Variants in XRN1 observed in about 807,000 individuals in gnomAD.
XRN1 encodes 5'-3' exoribonuclease 1.
A neutral mutation model predicts 222.3 loss-of-function variants in XRN1; 67 were observed. That is an observed-to-expected ratio of 0.30 (90% CI 0.25 to 0.37). The LOEUF (loss-of-function observed/expected upper bound fraction) is 0.37, where lower values mean the gene tolerates loss of function less well. XRN1 is among the 10% of genes least tolerant of loss of function. The probability of loss-of-function intolerance (pLI) is 1.00; values close to 1 mark genes in which losing one functional copy is unlikely to be tolerated. For missense variants in XRN1, 1,707 were observed against 2,000.2 expected (o/e 0.85, Z 2.80); for synonymous variants, 643 against 652.4 (o/e 0.99, Z 0.22).
chr3:142,416,549 G>A (rs2068796425), intron 13 of XRN1, among the ~76,000 whole-genome samples: 1 of 152,120 alleles, frequency 6.6e-6, no homozygotes, highest in African/African-American at 2.4e-5. Context: ...AGAATATAAT[G>A]AACACCCTCA....
At chr3:142,423,448 A>G in intron 6 of XRN1, 112 bp downstream of exon 6, 1 of 720,090 alleles carries the variant, frequency 1.4e-6, no homozygotes, top group Non-Finnish European at 2.1e-6. Context: ...CTATCAACAT[A>G]GTGAAAAGGC....
At chr3:142,323,767 C>T (rs2065430676) in intron 37 of XRN1, among the ~76,000 whole-genome samples, 1 of 151,912 alleles carries the variant, frequency 6.6e-6, no homozygotes, top group African/African-American at 2.4e-5. Context: ...TGCTTGAAGC[C>T]AGCCTGGGCA....
intron 2 of XRN1, among the ~76,000 whole-genome samples, chr3:142,432,153 T>C (rs1245257499): frequency 1.8e-5 from 2 of 113,074 alleles, no homozygotes; most frequent in Non-Finnish European, 3.2e-5. Context: ...ATATAATATA[T>C]AATTTATATA....
chr3:142,369,590 G>C (rs1207136001), intron 27 of XRN1, among the ~76,000 whole-genome samples: 8 of 151,000 alleles, frequency 5.3e-5, no homozygotes, highest in African/African-American at 2.0e-4. Context: ...GGAGGTTGCA[G>C]TGAGCCGAGA....
chr3:142,328,333 G>A (rs1438770748), intron 37 of XRN1, among the ~76,000 whole-genome samples: 1 of 151,886 alleles, frequency 6.6e-6, no homozygotes, highest in Non-Finnish European at 1.5e-5. Context: ...GGTATGTTGT[G>A]TTTCCATTTT....
chr3:142,421,040 G>A lies in XRN1; in HGVS notation c.1149C>T (p.Asn383=). ...AAGVAAEEAR[N]YKEKKKLKGQ... ...CCTTTAACTTTTTCTTTTCCTTGTA[G>A]TTCCTGGCTTCTTCTGCTGCGACAC... is the stretch of plus-strand genomic sequence containing the variant. Residue 383 remains asparagine, a synonymous_variant, in exon 10 of 41, where the codon AAC becomes AAT. Coordinates refer to ENST00000392981, the MANE Select transcript of XRN1 (RefSeq NM_001282857.2). 5 of 1,613,988 alleles carry A rather than the reference G, an allele frequency of 3.1e-6. No homozygotes were observed. The highest frequency in any genetic ancestry group is 4.2e-6 in the Non-Finnish European group (5 of 1,179,958).
At chr3:142,426,578 T>A in intron 3 of XRN1, 166 bp downstream of exon 3, 5 of 612,616 alleles carry the variant, frequency 8.2e-6, no homozygotes, top group Non-Finnish European at 1.4e-5. Context: ...GGAGTATTTA[T>A]GACCAAGGTG....
chr3:142,442,752 G>A (rs1394961807), intron 1 of XRN1, among the ~76,000 whole-genome samples: 1 of 151,880 alleles, frequency 6.6e-6, no homozygotes, highest in African/African-American at 2.4e-5. Flanking sequence ...TTTTTATTTT[G>A]AGATGGAATC....
chr3:142,365,013 T>C (rs1197119783), intron 29 of XRN1, 34 bp downstream of exon 29: 1 of 1,592,316 alleles, frequency 6.3e-7, no homozygotes, highest in African/African-American at 1.4e-5. Flanking sequence ...CAATATAAAT[T>C]ACGTTGAAGA....
At chr3:142,347,111 C>A in intron 33 of XRN1, 123 bp downstream of exon 33, 1 of 709,332 alleles carries the variant, frequency 1.4e-6, no homozygotes, top group Non-Finnish European at 2.2e-6. Context: ...TACAAAAAAC[C>A]ACTTATCGTA....
At chr3:142,362,757 TCTTC>T (rs2066686741) in intron 29 of XRN1, among the ~76,000 whole-genome samples, 1 of 145,446 alleles carries the variant, frequency 6.9e-6, no homozygotes, top group Non-Finnish European at 1.5e-5. Flanking sequence ...TCCCTTCCTT[TCTTC>T]CTTTTCTCTC....
At chr3:142,347,849 C>T (rs1577263427) in intron 32 of XRN1, among the ~76,000 whole-genome samples, 1 of 151,964 alleles carries the variant, frequency 6.6e-6, no homozygotes, top group African/African-American at 2.4e-5. Flanking sequence ...TCTCCCACCT[C>T]GGCCTCCCAA....
rs1246525703 is a variant in XRN1, at chr3:142,447,408, C to G, written c.75+462G>C. Reference sequence around the variant, plus strand: ...GGGCCGGGTGGGCCGCGCTCTAGATCAGGGAAAGTAAACAAGGTGACTGCG... The same window carrying G: ...GGGCCGGGTGGGCCGCGCTCTAGATGAGGGAAAGTAAACAAGGTGACTGCG... On this transcript the variant is annotated intron_variant, in intron 1 of 40. Coordinates refer to ENST00000392981, the MANE Select transcript of XRN1 (RefSeq NM_001282857.2). This position sits in a 1 kb window ranked among gnomAD's most constrained non-coding sequence, Gnocchi z 4.2. Among the ~76,000 whole-genome samples, 1 of 152,160 alleles carries G rather than the reference C, an allele frequency of 6.6e-6. No homozygotes were observed. The highest frequency in any genetic ancestry group is 2.4e-5 in the African/African-American group (1 of 41,452).
In XRN1 at chr3:142,417,124, G is replaced by T; in HGVS notation, c.1436+16C>A. 6.3e-7 allele frequency: 1 copy of T among 1,577,124 alleles called. No homozygotes were observed. The highest frequency in any genetic ancestry group is 2.3e-5 in the East Asian group (1 of 43,818). ...TATAAAAAGACAAAACTTTATTTTTGTTTTTATTCTCTCACCAGCTCCAGG... is the reference window on the plus strand; with the variant it reads ...TATAAAAAGACAAAACTTTATTTTTTTTTTTATTCTCTCACCAGCTCCAGG... On this transcript the variant is annotated intron_variant, in intron 13 of 40. Transcript: ENST00000392981.
At chr3:142,417,083 T>C (rs2068817490) in intron 13 of XRN1, 57 bp downstream of exon 13, 3 of 1,281,624 alleles carry the variant, frequency 2.3e-6, no homozygotes, top group Non-Finnish European at 3.3e-6. Flanking sequence ...AATAAGACTC[T>C]AGTAGAATGA....
At chr3:142,334,885 G>A (rs1332706077) in intron 34 of XRN1, among the ~76,000 whole-genome samples, 1 of 151,132 alleles carries the variant, frequency 6.6e-6, no homozygotes, top group Non-Finnish European at 1.5e-5. Flanking sequence ...GCCCAGGCTG[G>A]AGTGCAGTGG....
chr3:142,350,848 G>GT (rs2066283692), intron 32 of XRN1, among the ~76,000 whole-genome samples: 5 of 152,128 alleles, frequency 3.3e-5, no homozygotes, highest in Admixed American at 1.3e-4. Flanking sequence ...ATTAGGTAAC[G>GT]TAAGTTTGTG....
At position 142,422,762 on chromosome 3, in the gene XRN1, T is replaced by C. The variant is rs369471650; in HGVS notation, c.799-12A>G. ...AATGTGATCTTTTCCTACAGTAAAATAGAGAACAAAGTCAAATCCAGTGAA... is the reference window on the plus strand; with the variant it reads ...AATGTGATCTTTTCCTACAGTAAAACAGAGAACAAAGTCAAATCCAGTGAA... On this transcript the variant is annotated splice_polypyrimidine_tract_variant and intron_variant, in intron 7 of 40. Transcript: ENST00000392981. 8.0e-5 allele frequency: 128 copies of C among 1,608,660 alleles called. No individual in the cohort carries two copies. Among genetic ancestry groups the C allele is most frequent in the Non-Finnish European group, 1.0e-4 (118 of 1,177,604 alleles).
chr3:142,345,550 A>T (rs2066121986), intron 33 of XRN1, among the ~76,000 whole-genome samples: 1 of 152,244 alleles, frequency 6.6e-6, no homozygotes, highest in South Asian at 2.1e-4. Context: ...AAAAATACAC[A>T]AATTGGACTT....
Sources: gnomAD v4.1 joint callset for allele counts (sites outside exome capture counted in the v4.1 genomes callset) on GRCh38, gnomAD v4.1.1 for gene constraint, Gnocchi (gnomAD v3.1) non-coding constraint, MANE v1.5 for transcripts, NCBI Gene and HGNC (gene_info 2026-07-23, HGNC 2026-07-21) for gene names.